Variants in TMEM132C observed in about 807,000 individuals in gnomAD.
TMEM132C encodes the protein transmembrane protein 132C.
A neutral mutation model predicts 61.4 loss-of-function variants in TMEM132C; 29 were observed. The observed-to-expected ratio is 0.47, with a 90% CI of 0.35 to 0.64. The LOEUF (loss-of-function observed/expected upper bound fraction) is 0.64, where lower values mean the gene tolerates loss of function less well. Ranked by LOEUF, TMEM132C falls within the 30% of genes least tolerant of loss-of-function variation. The probability of loss-of-function intolerance (pLI) is 0.00; values close to 1 mark genes in which losing one functional copy is unlikely to be tolerated. For missense variants in TMEM132C, 1,408 were observed against 1,476.9 expected (o/e 0.95, Z 0.76); for synonymous variants, 656 against 633.1 (o/e 1.04, Z -0.54).
intron 1 of TMEM132C, among the ~76,000 whole-genome samples, chr12:128,380,623 A>T (rs985144370): frequency 2.0e-5 from 3 of 152,214 alleles, no homozygotes; most frequent in African/African-American, 7.2e-5. Flanking sequence ...TCTAAAGGAA[A>T]TATAAGCCAG....
At chr12:128,478,152 G>A (rs998775867) in intron 2 of TMEM132C, among the ~76,000 whole-genome samples, 5 of 152,098 alleles carry the variant, frequency 3.3e-5, no homozygotes, top group African/African-American at 1.2e-4. Context: ...AAAAAAGTAG[G>A]TCAATGCATC....
chr12:128,537,272 C>T (rs1873564585), intron 2 of TMEM132C, among the ~76,000 whole-genome samples: 1 of 152,176 alleles, frequency 6.6e-6, no homozygotes, highest in Admixed American at 6.5e-5. Flanking sequence ...TTTGTCAAAA[C>T]CATAAAAGGG....
chr12:128,398,972 A>G (rs77068814), intron 1 of TMEM132C, among the ~76,000 whole-genome samples: 2,768 of 152,296 alleles, frequency 0.018, 89 homozygotes, highest in African/African-American at 0.063. Flanking sequence ...CACACGTTAA[A>G]GGCTTTAAAA....
chr12:128,626,877 A>G (rs545554004), intron 4 of TMEM132C, among the ~76,000 whole-genome samples: 6 of 152,198 alleles, frequency 3.9e-5, no homozygotes, highest in African/African-American at 7.2e-5. Context: ...ACCCACACAG[A>G]GAAATAGCTC....
At chr12:128,655,687 C>T (rs1231998252) in intron 4 of TMEM132C, among the ~76,000 whole-genome samples, 1 of 152,096 alleles carries the variant, frequency 6.6e-6, no homozygotes, top group Non-Finnish European at 1.5e-5. Context: ...ACAGGGGCAC[C>T]CACCACCAGC....
At chr12:128,366,197 C>T (rs948542815) in intron 1 of TMEM132C, among the ~76,000 whole-genome samples, 7 of 152,180 alleles carry the variant, frequency 4.6e-5, no homozygotes, top group Non-Finnish European at 7.3e-5. Context: ...TCGCCCGCGG[C>T]TCTCCTCCCA....
chr12:128,579,673 C>T (rs1274877232), intron 3 of TMEM132C, among the ~76,000 whole-genome samples: 2 of 152,130 alleles, frequency 1.3e-5, no homozygotes, highest in African/African-American at 2.4e-5. Flanking sequence ...CCACAGAGCC[C>T]ACTTAGAGAA....
chr12:128,393,864 A>G (rs911929729), intron 1 of TMEM132C, among the ~76,000 whole-genome samples: 3 of 152,252 alleles, frequency 2.0e-5, no homozygotes, highest in African/African-American at 4.8e-5. Flanking sequence ...TTAAGGTGCT[A>G]TCCTTGAAGC....
chr12:128,635,905 C>T (rs1954099684), intron 4 of TMEM132C, among the ~76,000 whole-genome samples: 1 of 152,164 alleles, frequency 6.6e-6, no homozygotes, highest in African/African-American at 2.4e-5. Flanking sequence ...GATAAGAGTT[C>T]TAAGTGCCAC....
intron 2 of TMEM132C, among the ~76,000 whole-genome samples, chr12:128,460,524 C>G (rs1317066616): frequency 6.6e-6 from 1 of 152,190 alleles, no homozygotes; most frequent in Non-Finnish European, 1.5e-5. Flanking sequence ...GTATCGTTCT[C>G]ACCCCGAGAG....
chr12:128,699,230 A>G (rs1007676517), intron 8 of TMEM132C, among the ~76,000 whole-genome samples: 12 of 152,184 alleles, frequency 7.9e-5, no homozygotes, highest in African/African-American at 2.7e-4. Flanking sequence ...ATCTGCTGCT[A>G]TGTAACGACG....
chr12:128,375,943 C>T (rs1874178091), intron 1 of TMEM132C, among the ~76,000 whole-genome samples: 1 of 152,144 alleles, frequency 6.6e-6, no homozygotes. Context: ...CTTTGCATAC[C>T]TAGGCAAGGC....
At chr12:128,268,064 T>C (rs1165970111) in intron 1 of TMEM132C, among the ~76,000 whole-genome samples, 1 of 152,132 alleles carries the variant, frequency 6.6e-6, no homozygotes, top group Non-Finnish European at 1.5e-5. Flanking sequence ...GGACCCCAGC[T>C]TGGCAGAAAC....
chr12:128,481,642 G>A (rs1382008847), intron 2 of TMEM132C, among the ~76,000 whole-genome samples: 8 of 152,310 alleles, frequency 5.3e-5, no homozygotes, highest in Non-Finnish European at 1.2e-4. Context: ...CCTAGCCGTC[G>A]GATTCTGGAG....
At chr12:128,460,227 T>C (rs1045758386) in intron 2 of TMEM132C, among the ~76,000 whole-genome samples, 1 of 152,018 alleles carries the variant, frequency 6.6e-6, no homozygotes, top group African/African-American at 2.4e-5. Context: ...ATAAAAACTG[T>C]GGTAGAACAA....
intron 1 of TMEM132C, among the ~76,000 whole-genome samples, chr12:128,310,774 C>A (rs746560121): frequency 6.6e-6 from 1 of 151,952 alleles, no homozygotes; most frequent in Non-Finnish European, 1.5e-5. Context: ...TTAATGGGTA[C>A]GAGCATATGG....
At chr12:128,611,993 T>C (rs1565991286) in intron 3 of TMEM132C, among the ~76,000 whole-genome samples, 1 of 152,200 alleles carries the variant, frequency 6.6e-6, no homozygotes, top group Admixed American at 6.5e-5. Context: ...CTATGCATTT[T>C]TTAGAGACGA....
intron 4 of TMEM132C, among the ~76,000 whole-genome samples, chr12:128,624,512 C>T (rs1002542893): frequency 2.5e-4 from 35 of 142,184 alleles, no homozygotes; most frequent in Non-Finnish European, 4.2e-4. Flanking sequence ...CCATTGCACT[C>T]CAACCTGGGT....
intron 4 of TMEM132C, among the ~76,000 whole-genome samples, chr12:128,634,634 T>G (rs73428461): frequency 6.6e-6 from 1 of 152,386 alleles, no homozygotes; most frequent in African/African-American, 2.4e-5. Flanking sequence ...GTGGAGCCCT[T>G]GTGCTGTGCA....
Sources: gnomAD v4.1 joint callset for allele counts (sites outside exome capture counted in the v4.1 genomes callset) on GRCh38, gnomAD v4.1.1 for gene constraint, MANE v1.5 for transcripts, NCBI Gene and HGNC (gene_info 2026-07-23, HGNC 2026-07-21) for gene names.